RAPGEF5: variants seen among roughly 807,000 people sequenced by gnomAD.
The protein encoded by RAPGEF5 is Rap guanine nucleotide exchange factor 5, also known as M-Ras-regulated GEF.
In RAPGEF5, 65 loss-of-function variants were observed where a neutral mutation model predicts 125.2. That is an observed-to-expected ratio of 0.52 (90% CI 0.43 to 0.64). The LOEUF (loss-of-function observed/expected upper bound fraction) is 0.64, where lower values mean the gene tolerates loss of function less well. Ranked by LOEUF, RAPGEF5 falls within the 30% of genes least tolerant of loss-of-function variation. The pLI, the probability that RAPGEF5 is intolerant of heterozygous loss-of-function variation, is 0.00. For missense variants in RAPGEF5, 958 were observed against 1,048.1 expected, an observed-to-expected ratio of 0.91 and a Z score of 1.19; for synonymous variants, 391 against 385.9, an observed-to-expected ratio of 1.01 and a Z score of -0.16.
intron 7 of RAPGEF5, among the ~76,000 whole-genome samples, chr7:22,249,453 G>C (rs1420812641): frequency 9.9e-5 from 15 of 152,064 alleles, no homozygotes; most frequent in Non-Finnish European, 2.9e-5. Context: ...GCTTCCCAAA[G>C]TGCTGGGATT....
At chr7:22,127,737 C>A (rs1219860561) in intron 24 of RAPGEF5, among the ~76,000 whole-genome samples, 1 of 152,116 alleles carries the variant, frequency 6.6e-6, no homozygotes, top group Non-Finnish European at 1.5e-5. Flanking sequence ...CATAGGATCA[C>A]CATATACAGC....
intron 17 of RAPGEF5, among the ~76,000 whole-genome samples, chr7:22,153,958 A>G (rs1362879360): frequency 6.6e-6 from 1 of 152,194 alleles, no homozygotes; most frequent in African/African-American, 2.4e-5. Flanking sequence ...CAGAAGGAGA[A>G]GTTGTAACCA....
chr7:22,260,218 T>C (rs1230228098), intron 7 of RAPGEF5, among the ~76,000 whole-genome samples: 1 of 152,200 alleles, frequency 6.6e-6, no homozygotes, highest in Non-Finnish European at 1.5e-5. Context: ...CATGTCATTA[T>C]ACATTTCTCC....
At chr7:22,349,017 G>C (rs1784279408) in intron 1 of RAPGEF5, among the ~76,000 whole-genome samples, 1 of 151,428 alleles carries the variant, frequency 6.6e-6, no homozygotes, top group Non-Finnish European at 1.5e-5. Flanking sequence ...CTTGAACCCA[G>C]AGGTGGACGT....
chr7:22,306,068 C>A (rs979483741), intron 5 of RAPGEF5, among the ~76,000 whole-genome samples: 2 of 152,166 alleles, frequency 1.3e-5, no homozygotes, highest in Admixed American at 6.5e-5. Flanking sequence ...ATACACTCAG[C>A]AGTGGGATTA....
At chr7:22,247,809 T>A (rs1786517187) in intron 7 of RAPGEF5, among the ~76,000 whole-genome samples, 1 of 151,958 alleles carries the variant, frequency 6.6e-6, no homozygotes, top group South Asian at 2.1e-4. Context: ...AATAATGAAA[T>A]AATGTCCTTT....
intron 1 of RAPGEF5, among the ~76,000 whole-genome samples, chr7:22,321,740 A>G (rs772537142): frequency 6.6e-6 from 1 of 152,256 alleles, no homozygotes; most frequent in Non-Finnish European, 1.5e-5. Context: ...AGATGAAACA[A>G]TGGAATAAAT....
Position 22,122,023 on chromosome 7 carries a change from C to A in RAPGEF5, c.*383G>T. On this transcript the variant is annotated 3_prime_UTR_variant, in exon 26 of 26. Transcript: ENST00000665637. ...TCTAAAACTAGGCAAAGTAAAAACTCCTTCCTGTTTCATGCACGCTCTTAA... is the reference window on the plus strand; with the variant it reads ...TCTAAAACTAGGCAAAGTAAAAACTACTTCCTGTTTCATGCACGCTCTTAA... 5.6e-6 allele frequency: 1 copy of A among 179,296 alleles called. No individual in the cohort carries two copies. The highest frequency in any genetic ancestry group is 5.6e-5 in the Admixed American group (1 of 17,986). 11.1% of individuals were successfully genotyped at this position (179,296 alleles called of 1,614,324 possible).
intron 6 of RAPGEF5, among the ~76,000 whole-genome samples, chr7:22,290,552 C>T (rs1042568308): frequency 1.5e-4 from 23 of 151,742 alleles, no homozygotes; most frequent in South Asian, 4.2e-4. Flanking sequence ...GAGACCATCC[C>T]GGCTAAAACG....
chr7:22,215,549 G>T (rs1348143463), intron 9 of RAPGEF5, among the ~76,000 whole-genome samples: 1 of 152,226 alleles, frequency 6.6e-6, no homozygotes, highest in Non-Finnish European at 1.5e-5. Context: ...ATAGTTGGGA[G>T]CCACCATAGT....
intron 9 of RAPGEF5, among the ~76,000 whole-genome samples, chr7:22,201,645 G>T (rs894136051): frequency 2.0e-5 from 3 of 152,182 alleles, no homozygotes; most frequent in African/African-American, 7.2e-5. Flanking sequence ...TTCTTGTCTA[G>T]TGCCTATATC....
intron 1 of RAPGEF5, among the ~76,000 whole-genome samples, chr7:22,348,278 C>T (rs560666493): frequency 6.6e-6 from 1 of 152,310 alleles, no homozygotes; most frequent in Non-Finnish European, 1.5e-5. Flanking sequence ...AATCATAGTG[C>T]ATTAAAAGGT....
intron 12 of RAPGEF5, chr7:22,162,915 T>C (rs1254619738): frequency 6.5e-6 from 3 of 460,680 alleles, no homozygotes; most frequent in East Asian, 6.8e-5. Context: ...TTTCAATACA[T>C]TTTAGGTCAG....
chr7:22,321,650 G>T (rs1332914676), intron 1 of RAPGEF5, among the ~76,000 whole-genome samples: 1 of 152,148 alleles, frequency 6.6e-6, no homozygotes, highest in Non-Finnish European at 1.5e-5. Flanking sequence ...GATAATGCAA[G>T]AATTAAGTTC....
chr7:22,183,268 CAAAAAAAAAAA>C lies in RAPGEF5; in HGVS notation c.1204+10088_1204+10098del, dbSNP rs757079018. 4.9e-3 allele frequency among the ~76,000 whole-genome samples: 153 copies of C among 30,976 alleles called. 1 individual carries two copies. Among genetic ancestry groups the C allele is most frequent in the African/African-American group, 0.012 (144 of 12,516 alleles). The allele number at this position is 30,976 out of a possible 152,430, so 20.3% of individuals were successfully genotyped here. A position where few individuals can be genotyped will look rare whatever the true frequency, so the allele number is the denominator to read the frequency against. On this transcript the variant is annotated intron_variant, in intron 11 of 25. Transcript: ENST00000665637. ...TGGGTAACAGAGTGAGACTCCATCA[CAAAAAAAAAAA>C]AAAAAAAAAAAAAAAAGATTTTTAT...
chr7:22,150,609 T>C, intron 17 of RAPGEF5, 105 bp from the exon 18 acceptor site: 1 of 1,389,064 alleles, frequency 7.2e-7, no homozygotes, highest in East Asian at 2.6e-5. Context: ...CAAAGAAAAA[T>C]ACTTAAAAGT....
chr7:22,327,915 C>G (rs1240937571), intron 1 of RAPGEF5, among the ~76,000 whole-genome samples: 2 of 152,176 alleles, frequency 1.3e-5, no homozygotes, highest in Non-Finnish European at 2.9e-5. Context: ...GGATCAACCA[C>G]TAATGTAAAA....
chr7:22,137,671 T>G (rs976891593), intron 21 of RAPGEF5, among the ~76,000 whole-genome samples: 2 of 152,236 alleles, frequency 1.3e-5, no homozygotes, highest in African/African-American at 4.8e-5. Flanking sequence ...AAAGGCAGCC[T>G]GAGTTTGAAC....
chr7:22,219,094 C>A (rs756548084), intron 9 of RAPGEF5, among the ~76,000 whole-genome samples: 6 of 152,096 alleles, frequency 3.9e-5, no homozygotes, highest in African/African-American at 1.4e-4. Context: ...CATGTATAAG[C>A]GCAGAGGAAT....
Sources: allele counts gnomAD v4.1 joint callset (sites outside exome capture counted in the v4.1 genomes callset), GRCh38; gene constraint gnomAD v4.1.1; transcripts MANE v1.5; gene names NCBI Gene and HGNC (gene_info 2026-07-23, HGNC 2026-07-21).